Variants in RUFY1 observed in about 807,000 individuals in gnomAD.
The protein encoded by RUFY1 is RUN and FYVE domain containing 1.
Under a neutral mutation model 94.6 loss-of-function variants are expected in RUFY1, and 54 were observed. That is an observed-to-expected ratio of 0.57 (90% CI 0.46 to 0.72). The LOEUF (loss-of-function observed/expected upper bound fraction) is 0.72, where lower values mean the gene tolerates loss of function less well. RUFY1 is among the 30% of genes least tolerant of loss of function. RUFY1 has a pLI of 0.00. For synonymous variants in RUFY1, 396 were observed against 347.3 expected, an observed-to-expected ratio of 1.14 and a Z score of -1.56; for missense variants, 883 against 883.9, an observed-to-expected ratio of 1.00 and a Z score of 0.01.
At chr5:179,581,303 C>T (rs955844908) in intron 7 of RUFY1, among the ~76,000 whole-genome samples, 1 of 152,188 alleles carries the variant, frequency 6.6e-6, no homozygotes, top group Admixed American at 6.5e-5. Context: ...CTGGAAATCC[C>T]TTCATGGCAA....
rs1765267564 is a variant in RUFY1, at chr5:179,593,375, A to G, written c.1246-103A>G. On this transcript the variant is annotated intron_variant, in intron 10 of 17. Coordinates refer to ENST00000319449, the MANE Select transcript of RUFY1 (RefSeq NM_025158.5). ...ATTACAGGCATGAGCCACCACACCC[A>G]GCCTTCAGTTTGTATTTTAAGCATT... 3 of 1,368,888 alleles carry G rather than the reference A, an allele frequency of 2.2e-6. No individual in the cohort carries two copies. The South Asian group carries it at 3.8e-5, about 18-fold the overall frequency. 84.8% of individuals were successfully genotyped at this position (1,368,888 alleles called of 1,614,324 possible). A position where few individuals can be genotyped will look rare whatever the true frequency, so the allele number is the denominator to read the frequency against.
At chr5:179,597,436 TG>T (rs1765777994) in intron 13 of RUFY1, among the ~76,000 whole-genome samples, 1 of 152,136 alleles carries the variant, frequency 6.6e-6, no homozygotes, top group Non-Finnish European at 1.5e-5. Flanking sequence ...GGGGTTTCAC[TG>T]TGTTAACCCA....
chr5:179,563,239 C>T (rs1169208099), intron 3 of RUFY1, among the ~76,000 whole-genome samples: 1 of 152,096 alleles, frequency 6.6e-6, no homozygotes, highest in African/African-American at 2.4e-5. Flanking sequence ...GACTGTTGAG[C>T]GTTTATTTGA....
At chr5:179,560,776 C>T (rs914477564) in intron 2 of RUFY1, among the ~76,000 whole-genome samples, 2 of 150,852 alleles carry the variant, frequency 1.3e-5, no homozygotes, top group African/African-American at 2.4e-5. Flanking sequence ...GATGAGATGC[C>T]TTTCTGTGGG....
chr5:179,552,182 A>AAAAAAAAC lies in RUFY1; in HGVS notation c.310+1308_310+1309insAACAAAAA, dbSNP rs1278491799. On this transcript the variant is annotated intron_variant, in intron 1 of 17. Transcript: ENST00000319449. ...TCTGTCTCAAAAAAAAAAAAAAAAAAAAAAACTTGTTCCTCGATTACAGCG... is the reference window on the plus strand; with the variant it reads ...TCTGTCTCAAAAAAAAAAAAAAAAAAAAAAAAACAAAAACTTGTTCCTCGATTACAGCG... 1.5e-3 allele frequency among the ~76,000 whole-genome samples: 228 copies of AAAAAAAAC among 149,894 alleles called. 7 individuals carry two copies. The highest frequency in any genetic ancestry group is 5.5e-3 in the African/African-American group (219 of 40,138).
intron 15 of RUFY1, among the ~76,000 whole-genome samples, chr5:179,605,441 A>G (rs6894242): frequency 0.99 from 151,471 of 152,350 alleles, 75,309 homozygotes; most frequent in East Asian, 1. Flanking sequence ...ACAAATGGCT[A>G]TGCCATCTGA....
At chr5:179,605,401 G>A (rs1051555640) in intron 15 of RUFY1, among the ~76,000 whole-genome samples, 3 of 152,044 alleles carry the variant, frequency 2.0e-5, no homozygotes, top group African/African-American at 4.8e-5. Flanking sequence ...CAAAGGAATT[G>A]TTCTGACACT....
In RUFY1 at chr5:179,559,933, C is replaced by A. The variant is rs1012106690; in HGVS notation, c.311-92C>A. The A allele has an allele frequency of 2.7e-6, 4 of 1,501,464 alleles. No homozygotes were observed. The South Asian group carries it at 5.3e-5, about 20-fold the overall frequency. 93.0% of individuals were successfully genotyped at this position (1,501,464 alleles called of 1,614,324 possible). On this transcript the variant is annotated intron_variant, in intron 1 of 17. Coordinates refer to ENST00000319449, the MANE Select transcript of RUFY1 (RefSeq NM_025158.5). ...CCGTTCCCTAAGCAGACCGCCTGGC[C>A]TCCTGCCTGACCCGTCTTCTCACCG...
At chr5:179,587,559 ATTTT>A (rs34633958) in intron 8 of RUFY1, among the ~76,000 whole-genome samples, 6 of 108,078 alleles carry the variant, frequency 5.6e-5, no homozygotes, top group East Asian at 5.8e-4. Context: ...GCCCGGCTAA[ATTTT>A]TTTTTTTTTT....
intron 6 of RUFY1, among the ~76,000 whole-genome samples, chr5:179,579,709 G>A (rs1389167067): frequency 8.5e-6 from 1 of 117,228 alleles, no homozygotes; most frequent in Non-Finnish European, 1.7e-5. Context: ...TGTCGCCCAG[G>A]CTGGAGTGCA....
rs1360115701 is a variant in RUFY1, at chr5:179,567,468, G to A, written c.610G>A (p.Val204Met). 6.2e-7 allele frequency: 1 copy of A among 1,613,192 alleles called. No homozygotes were observed. ...VRNLPELKTA[V>M]GRGRAWLYLA... ...TCTCTGTTTGAATTCTAGGACAGCT[G>A]TGGGAAGAGGCCGAGCGTGGCTTTA... Residue 204 changes from valine to methionine, a missense_variant, in exon 4 of 18, where the codon GTG (valine) becomes ATG (methionine). Transcript: ENST00000319449.
intron 15 of RUFY1, 43 bp from the exon 16 acceptor site, chr5:179,605,831 TCA>T: frequency 4.0e-6 from 5 of 1,234,884 alleles, no homozygotes; most frequent in Non-Finnish European, 4.7e-6. Context: ...ATTCAGAGCC[TCA>T]CTCTCTCTCA....
At position 179,550,604 on chromosome 5, in the gene RUFY1, G is replaced by A. The variant is rs770584049; in HGVS notation, c.35G>A (p.Arg12Gln). 2 of 1,277,980 alleles carry A rather than the reference G, an allele frequency of 1.6e-6. No individual in the cohort carries two copies. The highest frequency in any genetic ancestry group is 1.6e-5 in the South Asian group (1 of 64,288). 79.2% of individuals were successfully genotyped at this position (1,277,980 alleles called of 1,614,324 possible). ...CGGGAAGGCGGCTGCGCTGCTGGGC[G>A]GGGGCGGGAGCTGGAGCCGGAGCTG... ...ADREGGCAAGRGRELEPELEP... is the reference protein window; with the variant it reads ...ADREGGCAAGQGRELEPELEP... Residue 12 changes from arginine to glutamine, a missense_variant, in exon 1 of 18, where the codon CGG becomes CAG. Physicochemically the swap from Arg to Gln is conservative, Grantham distance 43. Transcript: ENST00000319449.
rs1478327687 is a variant in RUFY1 at position 179,589,430 on chromosome 5, A to C, written c.1027-116A>C. ...ATTACCTATTGAAAACAAGGAAATA[A>C]AATATCAAACCTGTGAACATACATT... is the stretch of plus-strand genomic sequence containing the variant. On this transcript the variant is annotated intron_variant, in intron 8 of 17. Coordinates refer to ENST00000319449, the MANE Select transcript of RUFY1 (RefSeq NM_025158.5). 5.9e-6 allele frequency: 4 copies of C among 680,620 alleles called. No homozygotes were observed. In the East Asian group the frequency reaches 1.1e-4, roughly 18 times the overall value. 42.2% of individuals were successfully genotyped at this position (680,620 alleles called of 1,614,324 possible).
intron 10 of RUFY1, among the ~76,000 whole-genome samples, chr5:179,592,413 C>T (rs760947642): frequency 2.6e-4 from 40 of 152,032 alleles, no homozygotes; most frequent in East Asian, 5.8e-4. Context: ...CCACCGTGCC[C>T]GGCCAGTTTT....
At chr5:179,588,673 C>A (rs1181343485) in intron 8 of RUFY1, among the ~76,000 whole-genome samples, 2 of 152,204 alleles carry the variant, frequency 1.3e-5, no homozygotes, top group Non-Finnish European at 2.9e-5. Context: ...CCCATAACCC[C>A]TTTACTAAGT....
chr5:179,598,189 C>CAA, intron 13 of RUFY1: 2 of 152,482 alleles, frequency 1.3e-5, no homozygotes, highest in Non-Finnish European at 2.9e-5. Flanking sequence ...GACTCCGTCT[C>CAA]AAAAAAAAAC....
intron 13 of RUFY1, chr5:179,598,339 G>A (rs1000976804): frequency 4.5e-6 from 1 of 219,818 alleles, no homozygotes; most frequent in South Asian, 6.6e-5. Context: ...CTCCAGCTGG[G>A]GTGACAGAGC....
In RUFY1 at chr5:179,569,418, A is replaced by G; in HGVS notation, c.821A>G (p.Asp274Gly). 1 of 1,613,536 alleles carries G rather than the reference A, an allele frequency of 6.2e-7. No individual in the cohort carries two copies. The highest frequency in any genetic ancestry group is 8.5e-7 in the Non-Finnish European group (1 of 1,179,930). ...ANLCLKGEDL[D>G]SQVGVIDFSL... ...CTCTGCTTGAAAGGAGAAGACTTGG[A>G]TTCTCAGGTAAAATGAAATTTTGGC... The change falls in exon 5 of 18, where the codon GAT becomes GGT. Residue 274 changes from aspartate (D) to glycine (G), a missense_variant. Transcript: ENST00000319449.
Sources: gnomAD v4.1 joint callset for allele counts (sites outside exome capture counted in the v4.1 genomes callset) on GRCh38, gnomAD v4.1.1 for gene constraint, MANE v1.5 for transcripts, NCBI Gene and HGNC (gene_info 2026-07-23, HGNC 2026-07-21) for gene names.